LARGE1: variants seen among roughly 807,000 people sequenced by gnomAD.
The protein encoded by LARGE1 is LARGE xylosyl- and glucuronyltransferase 1.
Under a neutral mutation model 87.6 loss-of-function variants are expected in LARGE1, and 43 were observed. That is an observed-to-expected ratio of 0.49 (90% CI 0.38 to 0.63). The LOEUF (loss-of-function observed/expected upper bound fraction) is 0.63, where lower values mean the gene tolerates loss of function less well. LARGE1 is among the 30% of genes least tolerant of loss of function. The pLI is 0.00. For synonymous variants in LARGE1, 434 were observed against 394.6 expected, an observed-to-expected ratio of 1.10 and a Z score of -1.18; for missense variants, 802 against 1,000.2, an observed-to-expected ratio of 0.80 and a Z score of 2.67.
chr22:33,584,295 A>G (rs1196031622), intron 5 of LARGE1, among the ~76,000 whole-genome samples: 1 of 152,090 alleles, frequency 6.6e-6, no homozygotes, highest in Admixed American at 6.6e-5. Flanking sequence ...TCCTCCTCAA[A>G]GCTTCTGTGT....
intron 2 of LARGE1, among the ~76,000 whole-genome samples, chr22:33,723,545 G>A (rs1380709483): frequency 6.6e-6 from 1 of 152,204 alleles, no homozygotes; most frequent in African/African-American, 2.4e-5. Context: ...CACACACACT[G>A]ATATCAGGCG....
chr22:33,620,406 G>A lies in LARGE1; in HGVS notation c.491+5838C>T, dbSNP rs145698014. ...CCTTGAAGAGCAGCAATATTTCCCC[G>A]TTTATCTGCAACTGGGATTGGAGTC... On this transcript the variant is annotated intron_variant, in intron 4 of 14. Coordinates refer to ENST00000397394, the MANE Select transcript of LARGE1 (RefSeq NM_133642.5). Among the ~76,000 whole-genome samples, 399 of 152,156 alleles carry A rather than the reference G, an allele frequency of 2.6e-3. 2 individuals are homozygous for A. Among genetic ancestry groups the A allele is most frequent in the African/African-American group, 9.1e-3 (377 of 41,498 alleles).
At chr22:33,250,885 G>A (rs1230815901) in intron 11 of LARGE1, among the ~76,000 whole-genome samples, 1 of 152,160 alleles carries the variant, frequency 6.6e-6, no homozygotes, top group African/African-American at 2.4e-5. Flanking sequence ...ATGCACTGGT[G>A]AATTTGATTT....
At chr22:33,295,970 A>C (rs1933192213) in intron 12 of LARGE1, among the ~76,000 whole-genome samples, 1 of 152,146 alleles carries the variant, frequency 6.6e-6, no homozygotes, top group Non-Finnish European at 1.5e-5. Flanking sequence ...TTTGGGGTAA[A>C]TTTTACAAAT....
chr22:33,675,486 T>A (rs975878983), intron 2 of LARGE1, among the ~76,000 whole-genome samples: 5 of 151,704 alleles, frequency 3.3e-5, no homozygotes, highest in Non-Finnish European at 5.9e-5. Flanking sequence ...TGGACAGGTA[T>A]AAAAGCCGTG....
intron 2 of LARGE1, among the ~76,000 whole-genome samples, chr22:33,724,594 C>T (rs2083209556): frequency 6.6e-6 from 1 of 152,088 alleles, no homozygotes; most frequent in African/African-American, 2.4e-5. Flanking sequence ...CCCAGCCATG[C>T]CCACAGGCTA....
the LARGE1 span, among the ~76,000 whole-genome samples, chr22:33,085,581 CT>C: frequency 6.6e-6 from 1 of 152,178 alleles, no homozygotes; most frequent in African/African-American, 2.4e-5. Context: ...TCTAAATTTA[CT>C]AATATCAATA....
At chr22:33,138,057 C>A in the LARGE1 span, among the ~76,000 whole-genome samples, 1 of 152,174 alleles carries the variant, frequency 6.6e-6, no homozygotes, top group Non-Finnish European at 1.5e-5. Flanking sequence ...CAGCTTGCAG[C>A]ATGTGCCTGA....
At chr22:33,838,368 G>T (rs1306203453) in intron 1 of LARGE1, among the ~76,000 whole-genome samples, 1 of 152,226 alleles carries the variant, frequency 6.6e-6, no homozygotes, top group Non-Finnish European at 1.5e-5. Flanking sequence ...GACAGGTGTA[G>T]TGGCTCATGC....
chr22:33,711,812 AATTTTT>A (rs2082738278), intron 2 of LARGE1, among the ~76,000 whole-genome samples: 2 of 151,930 alleles, frequency 1.3e-5, no homozygotes, highest in African/African-American at 4.8e-5. Flanking sequence ...ATGCTTGGCT[AATTTTT>A]ATTTTTATTG....
chr22:33,627,290 T>G (rs752533939), intron 3 of LARGE1, among the ~76,000 whole-genome samples: 1 of 152,182 alleles, frequency 6.6e-6, no homozygotes. Context: ...AAAGCACCAC[T>G]CTAGGGCATC....
chr22:33,112,521 C>T, the LARGE1 span, among the ~76,000 whole-genome samples: 12 of 152,282 alleles, frequency 7.9e-5, no homozygotes, highest in Middle Eastern at 3.4e-3. Flanking sequence ...AGGGCGCATT[C>T]GGGGCATGCT....
intron 2 of LARGE1, among the ~76,000 whole-genome samples, chr22:33,673,218 G>A (rs2081470421): frequency 6.6e-6 from 1 of 152,240 alleles, no homozygotes; most frequent in East Asian, 1.9e-4. Context: ...GAGGTTGCAG[G>A]GAGCAGAGAT....
At chr22:33,900,918 A>T (rs1001289858) in intron 1 of LARGE1, among the ~76,000 whole-genome samples, 2 of 152,114 alleles carry the variant, frequency 1.3e-5, no homozygotes, top group Non-Finnish European at 2.9e-5. Flanking sequence ...ATGGTGACAC[A>T]CGCCTGTAAT....
intron 6 of LARGE1, among the ~76,000 whole-genome samples, chr22:33,492,147 C>T (rs2148295066): frequency 1.3e-5 from 2 of 152,274 alleles, no homozygotes; most frequent in East Asian, 3.9e-4. Flanking sequence ...GCCTTGTCGG[C>T]CACTGGCAGG....
chr22:33,203,377 A>T (rs1310564034), intron 11 of LARGE1, among the ~76,000 whole-genome samples: 1 of 152,124 alleles, frequency 6.6e-6, no homozygotes, highest in Non-Finnish European at 1.5e-5. Context: ...CAGGCTTGTG[A>T]ATTAGCCTTT....
intron 11 of LARGE1, among the ~76,000 whole-genome samples, chr22:33,186,468 C>T (rs187406030): frequency 1.5e-4 from 23 of 152,016 alleles, no homozygotes; most frequent in East Asian, 1.2e-3. Context: ...TACCTCCCAG[C>T]GAAATAGGAC....
intron 7 of LARGE1, among the ~76,000 whole-genome samples, chr22:33,413,843 C>T (rs1449646522): frequency 1.3e-5 from 2 of 152,166 alleles, no homozygotes; most frequent in African/African-American, 2.4e-5. Context: ...AGGGTGCATG[C>T]CATCCATGTT....
At chr22:33,645,157 A>G (rs1017115347) in intron 3 of LARGE1, among the ~76,000 whole-genome samples, 1 of 152,222 alleles carries the variant, frequency 6.6e-6, no homozygotes, top group Non-Finnish European at 1.5e-5. Flanking sequence ...ACTTCAAACT[A>G]TACTACAAGG....
Sources: allele counts gnomAD v4.1 joint callset (sites outside exome capture counted in the v4.1 genomes callset), GRCh38; gene constraint gnomAD v4.1.1; transcripts MANE v1.5; gene names NCBI Gene and HGNC (gene_info 2026-07-23, HGNC 2026-07-21).